LRRC37A2: variants seen among roughly 807,000 people sequenced by gnomAD.
LRRC37A2 encodes leucine-rich repeat-containing protein 37A2.
Under a neutral mutation model 68.8 loss-of-function variants are expected in LRRC37A2, and 9 were observed. That is an observed-to-expected ratio of 0.13 (90% CI 0.08 to 0.23). LRRC37A2 has a LOEUF of 0.23. Ranked by LOEUF, LRRC37A2 falls within the 10% of genes least tolerant of loss-of-function variation. LRRC37A2 has a pLI of 1.00. For missense variants in LRRC37A2, 168 were observed against 950.4 expected, an observed-to-expected ratio of 0.18 and a Z score of 10.82; for synonymous variants, 63 against 367.6, an observed-to-expected ratio of 0.17 and a Z score of 9.48.
the LRRC37A2 span, among the ~76,000 whole-genome samples, chr17:46,986,567 C>T: frequency 2.0e-5 from 3 of 152,202 alleles, no homozygotes; most frequent in African/African-American, 7.2e-5. Context: ...CATTTGTTCA[C>T]AAGCTTCACT....
chr17:46,951,126 C>T, the LRRC37A2 span, among the ~76,000 whole-genome samples: 5 of 152,336 alleles, frequency 3.3e-5, no homozygotes, highest in Admixed American at 3.3e-4. Context: ...GGCATCATCT[C>T]TCCACACCCC....
At chr17:46,729,620 C>T in the LRRC37A2 span, among the ~76,000 whole-genome samples, 3 of 152,114 alleles carry the variant, frequency 2.0e-5, no homozygotes, top group Admixed American at 2.0e-4. Flanking sequence ...TTGATTGATT[C>T]TGCATGCTGT....
chr17:46,976,993 T>C, the LRRC37A2 span, among the ~76,000 whole-genome samples: 1 of 152,166 alleles, frequency 6.6e-6, no homozygotes, highest in South Asian at 2.1e-4. Context: ...TGGCCTGGCC[T>C]GAATTCTCCC....
At chr17:46,887,465 T>C in the LRRC37A2 span, among the ~76,000 whole-genome samples, 1 of 151,992 alleles carries the variant, frequency 6.6e-6, no homozygotes, top group South Asian at 2.1e-4. Flanking sequence ...TATCTTTCTA[T>C]AGCAATCTCT....
chr17:46,948,422 A>G, the LRRC37A2 span: 4 of 152,222 alleles, frequency 2.6e-5, no homozygotes, highest in African/African-American at 9.7e-5. Flanking sequence ...CAAAGAAAGG[A>G]CTGCAAGTAT....
At chr17:46,815,192 G>T in the LRRC37A2 span, among the ~76,000 whole-genome samples, 4 of 151,614 alleles carry the variant, frequency 2.6e-5, no homozygotes, top group Non-Finnish European at 5.9e-5. Context: ...CCAAGAAGAA[G>T]AAGAAAGACA....
rs273530 is a variant in LRRC37A2 at position 46,548,954 on chromosome 17, G to A, written c.3815G>A (p.Trp1272Ter). 6.2e-7 allele frequency: 1 copy of A among 1,609,088 alleles called. No homozygotes were observed. Among genetic ancestry groups the A allele is most frequent in the South Asian group, 1.1e-5 (1 of 90,968 alleles). Residue 1272 changes from tryptophan to a stop codon, truncating the protein, a stop_gained, in exon 10 of 15, where the codon TGG (tryptophan) becomes TAG (stop). Coordinates refer to ENST00000576629, the Ensembl canonical transcript of LRRC37A2. LOFTEE classifies it high-confidence loss of function. ...GCCCTACCACAGGTGAGAGACAGAT[G>A]GAAAGACTTAACCCACGCTATTTCC...
At chr17:47,044,428 T>C in the LRRC37A2 span, among the ~76,000 whole-genome samples, 84 of 151,040 alleles carry the variant, frequency 5.6e-4, 4 homozygotes, top group South Asian at 0.016. Flanking sequence ...TGAAGTTCCA[T>C]TGGGTGATGA....
At chr17:46,857,095 G>A in the LRRC37A2 span, among the ~76,000 whole-genome samples, 1 of 152,162 alleles carries the variant, frequency 6.6e-6, no homozygotes. Flanking sequence ...TATAGCAATA[G>A]CGAATTCCTT....
chr17:47,017,276 A>G, the LRRC37A2 span: 4 of 1,610,356 alleles, frequency 2.5e-6, no homozygotes, highest in Non-Finnish European at 3.4e-6. Flanking sequence ...TTATGTGGCA[A>G]CTATTGTGGC....
the LRRC37A2 span, among the ~76,000 whole-genome samples, chr17:46,506,197 AT>A: frequency 1.8e-5 from 2 of 111,842 alleles, no homozygotes; most frequent in African/African-American, 4.2e-5. Flanking sequence ...TGACGTTGAG[AT>A]TTTTTTCTAG....
At chr17:46,801,455 A>C in the LRRC37A2 span, among the ~76,000 whole-genome samples, 2 of 137,622 alleles carry the variant, frequency 1.5e-5, no homozygotes, top group Admixed American at 1.4e-4. Flanking sequence ...CCCCATCTCT[A>C]CTAAAAATAG....
At chr17:46,962,866 A>C in the LRRC37A2 span, among the ~76,000 whole-genome samples, 1 of 152,222 alleles carries the variant, frequency 6.6e-6, no homozygotes, top group South Asian at 2.1e-4. Context: ...TAGATAACCA[A>C]AAGAATCTCT....
At chr17:46,867,156 C>T in the LRRC37A2 span, among the ~76,000 whole-genome samples, 1 of 152,256 alleles carries the variant, frequency 6.6e-6, no homozygotes, top group African/African-American at 2.4e-5. Context: ...CTGGAGGACT[C>T]CTGAGTCCAA....
At chr17:47,001,717 CTTTTTTT>C in the LRRC37A2 span, among the ~76,000 whole-genome samples, 10,114 of 108,372 alleles carry the variant, frequency 0.093, 344 homozygotes, top group South Asian at 0.21. Flanking sequence ...CTCTTTTTTC[CTTTTTTT>C]TTTTTTTTTT....
chr17:46,967,280 C>CA, the LRRC37A2 span, among the ~76,000 whole-genome samples: 3 of 152,244 alleles, frequency 2.0e-5, no homozygotes, highest in Non-Finnish European at 4.4e-5. Context: ...TGCACAACCT[C>CA]AAACAAGTCT....
chr17:46,497,695 T>G, the LRRC37A2 span, among the ~76,000 whole-genome samples: 1 of 149,368 alleles, frequency 6.7e-6, no homozygotes, highest in African/African-American at 2.6e-5. Context: ...GCATACATTG[T>G]GTATGTATGT....
chr17:46,878,242 C>T, the LRRC37A2 span, among the ~76,000 whole-genome samples: 1 of 152,242 alleles, frequency 6.6e-6, no homozygotes, highest in African/African-American at 2.4e-5. Flanking sequence ...TGTCAGCTTC[C>T]TTTCTCCCTA....
chr17:46,940,051 C>G, the LRRC37A2 span: 1 of 1,069,700 alleles, frequency 9.3e-7, no homozygotes, highest in African/African-American at 1.6e-5. Flanking sequence ...CCTACCTGCT[C>G]TGTTAGTTTC....
Sources: allele counts gnomAD v4.1 joint callset (sites outside exome capture counted in the v4.1 genomes callset), GRCh38; gene constraint gnomAD v4.1.1; transcripts MANE v1.5; gene names NCBI Gene and HGNC (gene_info 2026-07-23, HGNC 2026-07-21).